Variants in LAPTM4B observed in about 807,000 individuals in gnomAD.
The protein encoded by LAPTM4B is lysosomal protein transmembrane 4 beta, also known as lysosomal-associated transmembrane protein 4B.
Under a neutral mutation model 28.5 loss-of-function variants are expected in LAPTM4B, and 26 were observed. The observed-to-expected ratio is 0.91, with a 90% CI of 0.67 to 1.27. The LOEUF is 1.27. Ranked by LOEUF, LAPTM4B falls within the 50% of genes most tolerant of loss-of-function variation. The pLI is 0.00. For missense variants in LAPTM4B, 288 were observed against 285.8 expected, an observed-to-expected ratio of 1.01 and a Z score of -0.06; for synonymous variants, 109 against 106.4, an observed-to-expected ratio of 1.02 and a Z score of -0.15.
intron 1 of LAPTM4B, among the ~76,000 whole-genome samples, chr8:97,784,521 G>A (rs1263294126): frequency 6.6e-6 from 1 of 152,066 alleles, no homozygotes; most frequent in Non-Finnish European, 1.5e-5. Context: ...CTCACTGCAA[G>A]CTCTGCCTCC....
intron 6 of LAPTM4B, among the ~76,000 whole-genome samples, chr8:97,832,591 T>TTG (rs1159620980): frequency 2.0e-4 from 30 of 152,298 alleles, no homozygotes; most frequent in African/African-American, 6.3e-4. Flanking sequence ...CTTAACATAG[T>TTG]TGTATTGATA....
At chr8:97,850,331 C>T (rs2129865337) in intron 6 of LAPTM4B, among the ~76,000 whole-genome samples, 1 of 151,892 alleles carries the variant, frequency 6.6e-6, no homozygotes, top group Non-Finnish European at 1.5e-5. Flanking sequence ...CTCCGTCACT[C>T]CGCAAACATC....
intron 2 of LAPTM4B, among the ~76,000 whole-genome samples, chr8:97,810,632 C>G (rs897101369): frequency 6.6e-6 from 1 of 152,226 alleles, no homozygotes; most frequent in African/African-American, 2.4e-5. Context: ...GTGTTACACA[C>G]TCATAGCCCT....
At chr8:97,828,639 G>T (rs532023273) in intron 6 of LAPTM4B, among the ~76,000 whole-genome samples, 1 of 152,178 alleles carries the variant, frequency 6.6e-6, no homozygotes, top group Admixed American at 6.5e-5. Context: ...TTAAGAATAG[G>T]CAGAGTCCTC....
At chr8:97,836,844 A>G (rs1439730499) in intron 6 of LAPTM4B, among the ~76,000 whole-genome samples, 2 of 152,110 alleles carry the variant, frequency 1.3e-5, no homozygotes, top group African/African-American at 4.8e-5. Flanking sequence ...GTATTTTGCT[A>G]TGTGGGGGCC....
intron 1 of LAPTM4B, among the ~76,000 whole-genome samples, chr8:97,786,280 GTT>G (rs1468954160): frequency 1.3e-5 from 2 of 152,100 alleles, no homozygotes; most frequent in Non-Finnish European, 2.9e-5. Flanking sequence ...CGTTTTAAGA[GTT>G]TCGAGTTGCC....
intron 2 of LAPTM4B, among the ~76,000 whole-genome samples, chr8:97,807,290 G>A (rs1816769699): frequency 6.6e-6 from 1 of 152,088 alleles, no homozygotes; most frequent in South Asian, 2.1e-4. Context: ...TTACAGACTG[G>A]CCACGGTGGC....
intron 1 of LAPTM4B, among the ~76,000 whole-genome samples, chr8:97,786,902 C>T (rs745903724): frequency 2.0e-5 from 3 of 151,996 alleles, no homozygotes; most frequent in Non-Finnish European, 4.4e-5. Flanking sequence ...AACAAAGAAA[C>T]GCAAAACTGC....
At chr8:97,801,265 G>GC (rs1329783638) in intron 1 of LAPTM4B, among the ~76,000 whole-genome samples, 5 of 148,060 alleles carry the variant, frequency 3.4e-5, no homozygotes, top group Non-Finnish European at 7.4e-5. Context: ...TGCCATCTCC[G>GC]CCCCCCACTG....
chr8:97,804,748 G>C (rs992772203), intron 1 of LAPTM4B, among the ~76,000 whole-genome samples: 1 of 152,192 alleles, frequency 6.6e-6, no homozygotes, highest in African/African-American at 2.4e-5. Context: ...ATTTAGAGGA[G>C]CTGAGTTTAA....
chr8:97,801,679 T>TA (rs763333723), intron 1 of LAPTM4B, among the ~76,000 whole-genome samples: 8 of 152,038 alleles, frequency 5.3e-5, no homozygotes, highest in East Asian at 3.9e-4. Flanking sequence ...CTGTCTCTAA[T>TA]AAAAATACAA....
At position 97,807,021 on chromosome 8, in the gene LAPTM4B, C is replaced by T. The variant is rs1273247691; in HGVS notation, c.211+1557C>T. On this transcript the variant is annotated intron_variant, in intron 2 of 6. Transcript: ENST00000521545. The stretch of plus-strand genomic sequence containing the variant: ...TTCACCCTTTGCCATGATTCTGAGG[C>T]CTCCCCAGCCATGTGGAACTGTAAG... Among the ~76,000 whole-genome samples, 8 of 152,266 alleles carry T rather than the reference C, an allele frequency of 5.3e-5. No homozygotes were observed. The East Asian group carries it at 1.5e-3, about 29-fold the overall frequency.
chr8:97,849,459 G>A (rs192665287), intron 6 of LAPTM4B, among the ~76,000 whole-genome samples: 193 of 152,314 alleles, frequency 1.3e-3, no homozygotes, highest in African/African-American at 4.4e-3. Flanking sequence ...CATGTGTTCT[G>A]TACTGAGTGT....
intron 1 of LAPTM4B, among the ~76,000 whole-genome samples, chr8:97,802,739 A>G (rs1379725223): frequency 2.0e-4 from 31 of 152,060 alleles, no homozygotes; most frequent in Admixed American, 2.0e-3. Context: ...ACTTTTCACT[A>G]TATATTCTTT....
intron 2 of LAPTM4B, among the ~76,000 whole-genome samples, chr8:97,807,007 C>A (rs770538430): frequency 1.3e-5 from 2 of 152,160 alleles, no homozygotes; most frequent in Admixed American, 6.6e-5. Context: ...TCACCCTTTG[C>A]CATGATTCTG....
intron 3 of LAPTM4B, among the ~76,000 whole-genome samples, chr8:97,815,819 C>G (rs1257341459): frequency 6.6e-6 from 1 of 152,066 alleles, no homozygotes; most frequent in African/African-American, 2.4e-5. Flanking sequence ...CCACCCACCT[C>G]AGCCTCCCAA....
intron 1 of LAPTM4B, among the ~76,000 whole-genome samples, chr8:97,805,135 C>G (rs1244466732): frequency 6.6e-6 from 1 of 152,146 alleles, no homozygotes. Context: ...CACTCCAAGC[C>G]TTGTGCACTT....
At chr8:97,800,484 C>CTTTTTTTTTTTTTTTTTTTTTTTTTT (rs546425169) in intron 1 of LAPTM4B, among the ~76,000 whole-genome samples, 2 of 69,326 alleles carry the variant, frequency 2.9e-5, no homozygotes, top group African/African-American at 1.5e-4. Context: ...CCCTTGACCT[C>CTTTTTTTTTTTTTTTTTTTTTTTTTT]TTTTTTTTTT....
intron 6 of LAPTM4B, among the ~76,000 whole-genome samples, chr8:97,828,291 G>GA (rs1586339887): frequency 6.6e-6 from 1 of 152,186 alleles, no homozygotes. Context: ...AAGTGAGAGA[G>GA]AAAGGTTAAA....
Sources: gnomAD v4.1 joint callset for allele counts (sites outside exome capture counted in the v4.1 genomes callset) on GRCh38, gnomAD v4.1.1 for gene constraint, MANE v1.5 for transcripts, NCBI Gene and HGNC (gene_info 2026-07-23, HGNC 2026-07-21) for gene names.